SERPINC1: variants seen among roughly 807,000 people sequenced by gnomAD.
SERPINC1 encodes the protein serpin family C member 1, also known as antithrombin-III.
A neutral mutation model predicts 43.4 loss-of-function variants in SERPINC1; 12 were observed. That is an observed-to-expected ratio of 0.28 (90% CI 0.18 to 0.45). The LOEUF is 0.45. Ranked by LOEUF, SERPINC1 falls within the 20% of genes least tolerant of loss-of-function variation. The probability of loss-of-function intolerance (pLI) is 1.00; values close to 1 mark genes in which losing one functional copy is unlikely to be tolerated. For synonymous variants in SERPINC1, 210 were observed against 218.9 expected (o/e 0.96, Z 0.36); for missense variants, 423 against 578.8 (o/e 0.73, Z 2.76).
At chr1:173,907,984 A>AAATAATAAT (rs57195053) in intron 5 of SERPINC1, among the ~76,000 whole-genome samples, 17,901 of 139,172 alleles carry the variant, frequency 0.13, 1,215 homozygotes, top group Middle Eastern at 0.17. Flanking sequence ...TGCATCTCAA[A>AAATAATAAT]AATAATAATA....
rs746429528 is a variant in SERPINC1, at chr1:173,914,742, C to T, written c.219G>A (p.Pro73=). ...CCCAGACACGCCGGTTGGTGGCCTC[C>T]GGGATCTTCTGTTCTGAGCCCTCAT... is the stretch of plus-strand genomic sequence containing the variant. ...TEDEGSEQKI[P]EATNRRVWEL... is the part of the protein sequence containing the mutation. Residue 73 remains proline, a synonymous_variant, in exon 2 of 7, where the codon CCG becomes CCA. Transcript: ENST00000367698. The T allele has an allele frequency of 1.2e-5, 19 of 1,614,222 alleles. No homozygotes were observed. Among genetic ancestry groups the T allele is most frequent in the African/African-American group, 5.3e-5 (4 of 75,054 alleles).
intron 3 of SERPINC1, among the ~76,000 whole-genome samples, 183 bp downstream of exon 3, chr1:173,911,616 T>C (rs1424786661): frequency 6.6e-6 from 1 of 152,256 alleles, no homozygotes; most frequent in African/African-American, 2.4e-5. Flanking sequence ...AATCCAAGCA[T>C]GGATACCTTT....
At chr1:173,905,705 A>G (rs1657473259) in intron 6 of SERPINC1, among the ~76,000 whole-genome samples, 1 of 149,448 alleles carries the variant, frequency 6.7e-6, no homozygotes, top group Non-Finnish European at 1.5e-5. Flanking sequence ...TAGGCGAGAG[A>G]GCAAGACTCC....
intron 6 of SERPINC1, among the ~76,000 whole-genome samples, chr1:173,905,629 G>A (rs1342495200): frequency 6.6e-6 from 1 of 152,060 alleles, no homozygotes; most frequent in African/African-American, 2.4e-5. Flanking sequence ...GCTGAGGCGA[G>A]AGGATCGCTT....
rs1309106316 is a variant in SERPINC1, at chr1:173,907,539, T to A, written c.1154-25A>T. 8 of 1,599,298 alleles carry A rather than the reference T, an allele frequency of 5.0e-6. 1 individual carries two copies. Among genetic ancestry groups the A allele is most frequent in the Admixed American group, 3.3e-5 (2 of 59,970 alleles). On this transcript the variant is annotated intron_variant, in intron 5 of 6. Transcript: ENST00000367698. The stretch of plus-strand genomic sequence containing the variant: ...CCTGGAAGGAAGACCGGAGAAGTCT[T>A]TGTGAGATGGGAGAAAGTTGGCTTC...
intron 1 of SERPINC1, among the ~76,000 whole-genome samples, chr1:173,916,720 T>C (rs576231679): frequency 3.3e-5 from 5 of 151,994 alleles, no homozygotes; most frequent in Non-Finnish European, 7.4e-5. Flanking sequence ...GAAGGGAGTG[T>C]GTGTGGCATT....
intron 6 of SERPINC1, among the ~76,000 whole-genome samples, chr1:173,907,117 C>CA (rs112071190): frequency 0.12 from 17,134 of 138,250 alleles, 1,100 homozygotes; most frequent in East Asian, 0.27. Flanking sequence ...AGCTCTGTCT[C>CA]AAAAAAAAAA....
At chr1:173,913,015 T>G (rs1657835615) in intron 2 of SERPINC1, among the ~76,000 whole-genome samples, 1 of 152,080 alleles carries the variant, frequency 6.6e-6, no homozygotes, top group Non-Finnish European at 1.5e-5. Flanking sequence ...TTTCAAAGAG[T>G]GAAGACTTGG....
intron 2 of SERPINC1, 128 bp downstream of exon 2, chr1:173,914,425 G>T: frequency 9.9e-7 from 1 of 1,006,116 alleles, no homozygotes; most frequent in Non-Finnish European, 1.6e-6. Flanking sequence ...TGTTCAAAGG[G>T]AATCGTAATG....
intron 5 of SERPINC1, 37 bp downstream of exon 5, chr1:173,909,515 C>T (rs780507091): frequency 1.1e-5 from 18 of 1,609,186 alleles, no homozygotes; most frequent in South Asian, 3.3e-5. Flanking sequence ...GACTACCTTG[C>T]GGGTGGAGAA....
At position 173,907,534 on chromosome 1, in the gene SERPINC1, A is replaced by G; in HGVS notation, c.1154-20T>C. On this transcript the variant is annotated intron_variant, in intron 5 of 6. Coordinates refer to ENST00000367698, the MANE Select transcript of SERPINC1 (RefSeq NM_000488.4). ...CAATACCTGGAAGGAAGACCGGAGA[A>G]GTCTTTGTGAGATGGGAGAAAGTTG... 6.2e-7 allele frequency: 1 copy of G among 1,605,900 alleles called. No homozygotes were observed. The highest frequency in any genetic ancestry group is 1.1e-5 in the South Asian group (1 of 90,954).
At chr1:173,912,057 C>T in intron 2 of SERPINC1, 43 bp from the exon 3 acceptor site, 1 of 1,443,452 alleles carries the variant, frequency 6.9e-7, no homozygotes, top group South Asian at 1.1e-5. Flanking sequence ...TGGTGGGCTG[C>T]CTAGTTAACA....
intron 5 of SERPINC1, among the ~76,000 whole-genome samples, 162 bp downstream of exon 5, chr1:173,909,390 G>C (rs559850470): frequency 6.6e-5 from 10 of 152,314 alleles, no homozygotes; most frequent in Non-Finnish European, 7.4e-5. Flanking sequence ...GGAAACTGAG[G>C]TCTCAAAAGG....
chr1:173,915,836 A>T (rs2102791520), intron 1 of SERPINC1, among the ~76,000 whole-genome samples: 1 of 152,320 alleles, frequency 6.6e-6, no homozygotes, highest in African/African-American at 2.4e-5. Flanking sequence ...TTCTTCAGGG[A>T]AACAGGACCA....
In SERPINC1 at chr1:173,909,796, C is replaced by T; in HGVS notation, c.909G>A (p.Glu303=). The stretch of plus-strand genomic sequence containing the variant: ...TGATGTCATCACCTTTGAAGGGCAA[C>T]TCAAGCACCTGGGTGCCTTCAGCCA... The part of the protein sequence containing the change: ...RRVAEGTQVL[E]LPFKGDDITM... Residue 303 remains glutamate, a synonymous_variant, in exon 5 of 7, where the codon GAG becomes GAA. Transcript: ENST00000367698. The T allele has an allele frequency of 6.2e-7, 1 of 1,614,228 alleles. No homozygotes were observed.
chr1:173,908,614 G>A (rs1410447069), intron 5 of SERPINC1, among the ~76,000 whole-genome samples: 1 of 151,846 alleles, frequency 6.6e-6, no homozygotes, highest in African/African-American at 2.4e-5. Context: ...AGGCTGGAGT[G>A]CAGTGGTGTG....
intron 6 of SERPINC1, among the ~76,000 whole-genome samples, chr1:173,907,213 T>G (rs1005241900): frequency 1.3e-5 from 2 of 152,178 alleles, no homozygotes; most frequent in African/African-American, 2.4e-5. Context: ...TTTGCTGGCT[T>G]CTTTTCCTAT....
intron 5 of SERPINC1, among the ~76,000 whole-genome samples, chr1:173,908,587 A>C (rs1657630092): frequency 6.6e-6 from 1 of 151,396 alleles, no homozygotes; most frequent in African/African-American, 2.4e-5. Context: ...TAGTGATAGG[A>C]CCTCACTCTG....
chr1:173,914,095 A>C (rs570305500), intron 2 of SERPINC1, among the ~76,000 whole-genome samples: 8 of 151,620 alleles, frequency 5.3e-5, no homozygotes, highest in African/African-American at 1.9e-4. Context: ...AAAAAATACT[A>C]TCCTAGAATT....
Sources: gnomAD v4.1 joint callset for allele counts (sites outside exome capture counted in the v4.1 genomes callset) on GRCh38, gnomAD v4.1.1 for gene constraint, MANE v1.5 for transcripts, NCBI Gene and HGNC (gene_info 2026-07-23, HGNC 2026-07-21) for gene names.